NTRK3: variants seen among roughly 807,000 people sequenced by gnomAD.
The protein encoded by NTRK3 is neurotrophic receptor tyrosine kinase 3, also known as NT-3 growth factor receptor.
Under a neutral mutation model 91.7 loss-of-function variants are expected in NTRK3, and 24 were observed. The ratio of observed to expected loss-of-function variants is 0.26; its 90% CI spans 0.19 to 0.37. NTRK3 has a LOEUF of 0.37. Ranked by LOEUF, NTRK3 falls within the 10% of genes least tolerant of loss-of-function variation. The probability of loss-of-function intolerance (pLI) is 1.00; values close to 1 mark genes in which losing one functional copy is unlikely to be tolerated. For missense variants in NTRK3, 880 were observed against 1,068.9 expected, an observed-to-expected ratio of 0.82 and a Z score of 2.46; for synonymous variants, 483 against 404.0, an observed-to-expected ratio of 1.20 and a Z score of -2.34.
intron 5 of NTRK3, among the ~76,000 whole-genome samples, chr15:88,162,767 T>C (rs570630223): frequency 4.6e-4 from 70 of 152,344 alleles, no homozygotes; most frequent in Non-Finnish European, 9.1e-4. Context: ...GCTTTATCTA[T>C]GCAACGCCCC....
At chr15:88,043,398 T>C (rs2079847337) in intron 13 of NTRK3, among the ~76,000 whole-genome samples, 1 of 152,248 alleles carries the variant, frequency 6.6e-6, no homozygotes, top group African/African-American at 2.4e-5. Flanking sequence ...GGCTTGCTAG[T>C]GTTACCTCAA....
chr15:88,244,823 A>G lies in NTRK3; in HGVS notation c.248+11083T>C, dbSNP rs115541078. On this transcript the variant is annotated intron_variant, in intron 3 of 18. Coordinates refer to ENST00000394480, the Ensembl canonical transcript of NTRK3. ...CTTCAGACAGACTTATTGGATTACA[A>G]TAGCCAAGAGGGAATCAGCTAGTGA... is the stretch of plus-strand genomic sequence containing the variant. 3.6e-3 allele frequency among the ~76,000 whole-genome samples: 555 copies of G among 152,328 alleles called. 2 individuals carry two copies. The highest frequency in any genetic ancestry group is 0.019 in the East Asian group (97 of 5,186).
At position 88,080,264 on chromosome 15, in the gene NTRK3, T is replaced by A. The variant is rs899951049; in HGVS notation, c.1396+46007A>T. ...GCTCAGTCAAAGAGAATATCTTTTT[T>A]AAGGTTTTTGAAAAATACTGTCAAA... is the stretch of plus-strand genomic sequence containing the variant. On this transcript the variant is annotated intron_variant, in intron 13 of 18. Coordinates refer to ENST00000394480, the Ensembl canonical transcript of NTRK3. Among the ~76,000 whole-genome samples the A allele has an allele frequency of 7.9e-5, 12 of 152,218 alleles. No individual in the cohort carries two copies. The East Asian group carries it at 2.1e-3, about 27-fold the overall frequency.
At chr15:88,196,250 C>A (rs2047808051) in intron 3 of NTRK3, among the ~76,000 whole-genome samples, 2 of 152,300 alleles carry the variant, frequency 1.3e-5, no homozygotes, top group South Asian at 4.1e-4. Flanking sequence ...GAATAATTAT[C>A]CCAGAACCTG....
intron 13 of NTRK3, among the ~76,000 whole-genome samples, chr15:88,083,117 G>A (rs1012626024): frequency 6.6e-6 from 1 of 152,174 alleles, no homozygotes. Flanking sequence ...ACCTTCTCCT[G>A]ATTTCAAGAA....
At position 87,915,175 on chromosome 15, in the gene NTRK3, C is replaced by T. The variant is rs569219651; in HGVS notation, c.2133+14016G>A. Among the ~76,000 whole-genome samples the T allele has an allele frequency of 1.2e-4, 19 of 152,236 alleles. No individual in the cohort carries two copies. In the South Asian group the frequency reaches 3.9e-3, roughly 32 times the overall value. On this transcript the variant is annotated intron_variant, in intron 17 of 18. Transcript: ENST00000394480. ...ACAGTTTACAAAGAACTTGCACATC[C>T]ATTATGCATATGCATATACACTTGC...
intron 6 of NTRK3, among the ~76,000 whole-genome samples, chr15:88,147,044 A>T (rs889683060): frequency 2.0e-4 from 30 of 152,172 alleles, no homozygotes; most frequent in African/African-American, 7.2e-4. Flanking sequence ...ATTCTTTATT[A>T]TAAGTATTTA....
intron 14 of NTRK3, among the ~76,000 whole-genome samples, chr15:87,956,884 G>A (rs917048177): frequency 1.2e-4 from 18 of 152,152 alleles, no homozygotes; most frequent in African/African-American, 4.1e-4. Flanking sequence ...TTAGGGCAGG[G>A]GTGGGGTAGT....
intron 3 of NTRK3, among the ~76,000 whole-genome samples, chr15:88,204,697 T>C (rs1365511045): frequency 6.6e-6 from 1 of 152,218 alleles, no homozygotes; most frequent in Non-Finnish European, 1.5e-5. Context: ...GGTGTGAGAA[T>C]GGGAGCCCGC....
chr15:88,112,082 A>G (rs1223137042), intron 13 of NTRK3, among the ~76,000 whole-genome samples: 2 of 151,708 alleles, frequency 1.3e-5, no homozygotes, highest in Non-Finnish European at 2.9e-5. Flanking sequence ...AATTTTTTGT[A>G]TTTTTAGTAG....
At chr15:88,047,438 A>G (rs1268711475) in intron 13 of NTRK3, among the ~76,000 whole-genome samples, 1 of 152,214 alleles carries the variant, frequency 6.6e-6, no homozygotes, top group Non-Finnish European at 1.5e-5. Flanking sequence ...AGGGAAAAAA[A>G]AAGTCCAGAG....
exon 19 of NTRK3, chr15:87,874,774 C>T: frequency 4.3e-6 from 1 of 232,316 alleles, no homozygotes. Context: ...AGCCAGAACT[C>T]ACAGCCCCGG....
At chr15:87,895,435 T>C (rs1051748222) in intron 17 of NTRK3, among the ~76,000 whole-genome samples, 7 of 152,316 alleles carry the variant, frequency 4.6e-5, no homozygotes, top group Non-Finnish European at 1.0e-4. Flanking sequence ...CCACAAATTC[T>C]CATCACATGG....
rs1028623068 is a variant in NTRK3, at chr15:88,183,070, T to C, written c.395+348A>G. 2.2e-5 allele frequency among the ~76,000 whole-genome samples: 3 copies of C among 134,830 alleles called. No individual in the cohort carries two copies. In the Admixed American group the frequency reaches 2.5e-4, roughly 11 times the overall value. 88.5% of individuals were successfully genotyped at this position (134,830 alleles called of 152,430 possible). A position where few individuals can be genotyped will look rare whatever the true frequency, so the allele number is the denominator to read the frequency against. ...ATACACACTCTTATGGGCCTACTTATGGTCTCAGAAGTATAGTATTCACAT... is the reference window on the plus strand; with the variant it reads ...ATACACACTCTTATGGGCCTACTTACGGTCTCAGAAGTATAGTATTCACAT... On this transcript the variant is annotated intron_variant, in intron 5 of 18. Coordinates refer to ENST00000394480, the Ensembl canonical transcript of NTRK3.
intron 13 of NTRK3, among the ~76,000 whole-genome samples, chr15:88,050,064 G>A (rs2080667908): frequency 1.3e-5 from 2 of 152,090 alleles, no homozygotes; most frequent in Non-Finnish European, 2.9e-5. Flanking sequence ...GAAGGCACAG[G>A]CATTCATTAA....
chr15:88,066,428 A>G (rs1000727169), intron 13 of NTRK3, among the ~76,000 whole-genome samples: 2 of 152,220 alleles, frequency 1.3e-5, no homozygotes, highest in Non-Finnish European at 2.9e-5. Context: ...CTGAAAGCCC[A>G]TAGAGAAATG....
chr15:88,202,013 A>C (rs1192716272), intron 3 of NTRK3, among the ~76,000 whole-genome samples: 2 of 152,058 alleles, frequency 1.3e-5, no homozygotes, highest in African/African-American at 4.8e-5. Context: ...GATTCCTAAA[A>C]AAAAAAGACT....
chr15:87,966,377 C>T (rs770921025), intron 14 of NTRK3, among the ~76,000 whole-genome samples: 7 of 152,200 alleles, frequency 4.6e-5, no homozygotes, highest in African/African-American at 9.6e-5. Context: ...AGGTGACTTC[C>T]GGTGTCTCTG....
Position 88,235,369 on chromosome 15 carries a change from C to CAGTCAGTACCCTGCT in NTRK3, c.248+20536_248+20537insAGCAGGGTACTGACT. Among the ~76,000 whole-genome samples, 1 of 152,052 alleles carries CAGTCAGTACCCTGCT rather than the reference C, an allele frequency of 6.6e-6. No individual in the cohort carries two copies. The highest frequency in any genetic ancestry group is 1.9e-4 in the East Asian group (1 of 5,140). ...TGGACCCACGCAGTCAGTACCCTGC[C>CAGTCAGTACCCTGCT]GCAGACAGTGGACACTCACTGGTCT... On this transcript the variant is annotated intron_variant, in intron 3 of 18. Coordinates refer to ENST00000394480, the Ensembl canonical transcript of NTRK3. The surrounding 1 kb of genome is among the most constrained non-coding windows in gnomAD (Gnocchi z 5.2).
Sources: allele counts gnomAD v4.1 joint callset (sites outside exome capture counted in the v4.1 genomes callset), GRCh38; gene constraint gnomAD v4.1.1; non-coding constraint Gnocchi (gnomAD v3.1); transcripts MANE v1.5; gene names NCBI Gene and HGNC (gene_info 2026-07-23, HGNC 2026-07-21).